PLCB1: variants seen among roughly 807,000 people sequenced by gnomAD.
PLCB1 encodes 1-phosphatidylinositol 4,5-bisphosphate phosphodiesterase beta-1.
PLCB1 carries 46 observed loss-of-function variants against 161.8 expected under a neutral mutation model. The observed-to-expected ratio is 0.28, with a 90% CI of 0.22 to 0.36. PLCB1 has a LOEUF of 0.36. Ranked by LOEUF, PLCB1 falls within the 10% of genes least tolerant of loss-of-function variation. The probability of loss-of-function intolerance (pLI) is 1.00; values close to 1 mark genes in which losing one functional copy is unlikely to be tolerated. For synonymous variants in PLCB1, 517 were observed against 503.7 expected (o/e 1.03, Z -0.35); for missense variants, 1,016 against 1,472.5 (o/e 0.69, Z 5.07).
chr20:8,159,653 C>T (rs778796376), intron 2 of PLCB1, among the ~76,000 whole-genome samples: 2 of 152,084 alleles, frequency 1.3e-5, no homozygotes, highest in East Asian at 1.9e-4. Flanking sequence ...ATATCTTTAA[C>T]GGTACCCAAG....
At chr20:8,676,844 G>C (rs974553218) in intron 9 of PLCB1, among the ~76,000 whole-genome samples, 1 of 152,132 alleles carries the variant, frequency 6.6e-6, no homozygotes, top group Non-Finnish European at 1.5e-5. Flanking sequence ...AAGTAACTTT[G>C]TAGGAAATAA....
At chr20:8,445,371 A>G (rs1980774213) in intron 3 of PLCB1, among the ~76,000 whole-genome samples, 1 of 151,994 alleles carries the variant, frequency 6.6e-6, no homozygotes, top group Non-Finnish European at 1.5e-5. Context: ...GTGTGGTATT[A>G]TTTCTGAGGG....
At chr20:8,657,335 A>C in intron 8 of PLCB1, 51 bp downstream of exon 8, 1 of 1,058,720 alleles carries the variant, frequency 9.4e-7, no homozygotes, top group South Asian at 1.3e-5. Context: ...ATTGATTCTC[A>C]GGTGGCTAGA....
At chr20:8,800,566 T>C (rs1028026611) in intron 31 of PLCB1, among the ~76,000 whole-genome samples, 14 of 152,218 alleles carry the variant, frequency 9.2e-5, no homozygotes, top group African/African-American at 3.4e-4. Flanking sequence ...TATCTAATTA[T>C]GCTAGTATAT....
At chr20:8,480,264 C>T (rs6118208) in intron 3 of PLCB1, among the ~76,000 whole-genome samples, 3,010 of 151,918 alleles carry the variant, frequency 0.02, 125 homozygotes, top group African/African-American at 0.069. Context: ...AGAATAAAAT[C>T]CGGATTATGA....
At chr20:8,695,360 A>G (rs1990562095) in intron 10 of PLCB1, among the ~76,000 whole-genome samples, 1 of 152,206 alleles carries the variant, frequency 6.6e-6, no homozygotes, top group Non-Finnish European at 1.5e-5. Flanking sequence ...TGTCAAAGTC[A>G]TTTTAACAGT....
intron 3 of PLCB1, among the ~76,000 whole-genome samples, chr20:8,428,040 T>C (rs949229806): frequency 6.6e-6 from 1 of 152,138 alleles, no homozygotes; most frequent in African/African-American, 2.4e-5. Context: ...CACAACCTTC[T>C]TCCCTGATTA....
chr20:8,304,582 G>A (rs1668731509), intron 2 of PLCB1, among the ~76,000 whole-genome samples: 2 of 151,652 alleles, frequency 1.3e-5, no homozygotes, highest in African/African-American at 4.8e-5. Flanking sequence ...CCCCTGAGGG[G>A]CCTCTTCTGT....
At chr20:8,201,280 A>G (rs117945595) in intron 2 of PLCB1, among the ~76,000 whole-genome samples, 6,822 of 152,192 alleles carry the variant, frequency 0.045, 194 homozygotes, top group Middle Eastern at 0.13. Flanking sequence ...TAGTATAAAA[A>G]TAATCACCTC....
At chr20:8,211,718 T>A (rs1978834399) in intron 2 of PLCB1, among the ~76,000 whole-genome samples, 1 of 152,120 alleles carries the variant, frequency 6.6e-6, no homozygotes, top group Non-Finnish European at 1.5e-5. Flanking sequence ...GAGCAGAAGA[T>A]GTATTCATTT....
chr20:8,487,929 C>T (rs1354769964), intron 3 of PLCB1, among the ~76,000 whole-genome samples: 1 of 152,064 alleles, frequency 6.6e-6, no homozygotes, highest in Admixed American at 6.6e-5. Context: ...ATGACTGACT[C>T]GTATGAGGGT....
At chr20:8,452,678 G>T (rs1981124401) in intron 3 of PLCB1, among the ~76,000 whole-genome samples, 1 of 152,168 alleles carries the variant, frequency 6.6e-6, no homozygotes, top group South Asian at 2.1e-4. Context: ...TGCAAAAGAA[G>T]CATTTGATTC....
At chr20:8,155,673 T>C (rs1466479337) in intron 2 of PLCB1, among the ~76,000 whole-genome samples, 2 of 152,204 alleles carry the variant, frequency 1.3e-5, no homozygotes, top group East Asian at 3.8e-4. Flanking sequence ...GGCTTTCTCT[T>C]TGGGATATGC....
chr20:8,568,837 G>A (rs1986419138), intron 3 of PLCB1, among the ~76,000 whole-genome samples: 1 of 152,168 alleles, frequency 6.6e-6, no homozygotes, highest in Non-Finnish European at 1.5e-5. Flanking sequence ...GGAAGGTGAT[G>A]TCAACAAGCA....
At chr20:8,160,636 T>C (rs1307046768) in intron 2 of PLCB1, among the ~76,000 whole-genome samples, 1 of 152,128 alleles carries the variant, frequency 6.6e-6, no homozygotes, top group East Asian at 1.9e-4. Context: ...AGGAAAGACC[T>C]GCCCCCATGA....
At chr20:8,320,922 AGAG>A (rs1398954589) in intron 2 of PLCB1, among the ~76,000 whole-genome samples, 4 of 147,668 alleles carry the variant, frequency 2.7e-5, no homozygotes, top group Non-Finnish European at 4.4e-5. Flanking sequence ...AAGAGGAAGA[AGAG>A]GAAGAAGAAG....
intron 2 of PLCB1, among the ~76,000 whole-genome samples, chr20:8,297,628 G>T (rs1271426771): frequency 6.6e-6 from 1 of 152,134 alleles, no homozygotes; most frequent in African/African-American, 2.4e-5. Context: ...ATTGGCAAAA[G>T]AAAGCTTTCT....
chr20:8,708,838 CATG>C, intron 12 of PLCB1, 86 bp downstream of exon 12: 2 of 807,072 alleles, frequency 2.5e-6, no homozygotes, highest in Non-Finnish European at 2.1e-6. Context: ...GATTATTTGA[CATG>C]ATTAATGGTG....
At chr20:8,604,573 A>G (rs975769578) in intron 3 of PLCB1, among the ~76,000 whole-genome samples, 3 of 152,194 alleles carry the variant, frequency 2.0e-5, no homozygotes, top group African/African-American at 7.2e-5. Flanking sequence ...GAATTTCTTG[A>G]TCAGCCAAAC....
Sources: gnomAD v4.1 joint callset for allele counts (sites outside exome capture counted in the v4.1 genomes callset) on GRCh38, gnomAD v4.1.1 for gene constraint, MANE v1.5 for transcripts, NCBI Gene and HGNC (gene_info 2026-07-23, HGNC 2026-07-21) for gene names.